NFKBIE: variants seen among roughly 807,000 people sequenced by gnomAD.
NFKBIE encodes NF-kappa-B inhibitor epsilon.
NFKBIE carries 11 observed loss-of-function variants against 31.6 expected under a neutral mutation model. That is an observed-to-expected ratio of 0.35 (90% CI 0.22 to 0.58). NFKBIE has a LOEUF of 0.58. Ranked by LOEUF, NFKBIE falls within the 20% of genes least tolerant of loss-of-function variation. NFKBIE has a pLI of 0.83. For missense variants in NFKBIE, 354 were observed against 465.7 expected (o/e 0.76, Z 2.21); for synonymous variants, 208 against 210.1 (o/e 0.99, Z 0.09).
chr6:44,265,229 G>A lies in NFKBIE; in HGVS notation c.118C>T (p.Pro40Ser). The A allele has an allele frequency of 6.4e-7, 1 of 1,552,410 alleles. No homozygotes were observed. The highest frequency in any genetic ancestry group is 8.7e-7 in the Non-Finnish European group (1 of 1,147,460). Residue 40 changes from proline to serine, a missense_variant, in exon 1 of 6, where the codon CCC becomes TCC. Coordinates refer to ENST00000619360, the MANE Select transcript of NFKBIE (RefSeq NM_004556.3). ...PESTSAPASG[P>S]SDGSPQPCTH... is the part of the protein sequence containing the mutation. The stretch of plus-strand genomic sequence containing the variant: ...CAGGGCTGGGGGCTGCCGTCCGAGG[G>A]CCCGGAGGCTGGAGCCGAGGTGGAC...
intron 5 of NFKBIE, 132 bp from the exon 6 acceptor site, chr6:44,259,416 T>C (rs1025089360): frequency 4.8e-5 from 33 of 683,576 alleles, no homozygotes; most frequent in African/African-American, 4.8e-4. Context: ...AGGGAACAAA[T>C]CTTCACACGA....
Position 44,260,854 on chromosome 6 carries a change from CATACAG to C in NFKBIE, c.692-321_692-316del, listed in dbSNP as rs369140070. Among the ~76,000 whole-genome samples the C allele has an allele frequency of 3.0e-3, 184 of 60,890 alleles. 6 individuals carry two copies. The highest frequency in any genetic ancestry group is 6.1e-3 in the African/African-American group (64 of 10,566). 39.9% of individuals were successfully genotyped at this position (60,890 alleles called of 152,430 possible). On this transcript the variant is annotated intron_variant, in intron 3 of 5. Coordinates refer to ENST00000619360, the MANE Select transcript of NFKBIE (RefSeq NM_004556.3). The surrounding 1 kb of genome is among the most constrained non-coding windows in gnomAD (Gnocchi z 5.5). Reference sequence around the variant, plus strand: ...ACACACACACACACACACACACACACATACAGACACACACACACACACACACACACA... The same window carrying C: ...ACACACACACACACACACACACACACACACACACACACACACACACACACA...
chr6:44,262,960 C>G (rs1781977158), intron 1 of NFKBIE, among the ~76,000 whole-genome samples: 1 of 152,344 alleles, frequency 6.6e-6, no homozygotes, highest in South Asian at 2.1e-4. Flanking sequence ...CCTCTTTGCC[C>G]TCAGGGCTCT....
chr6:44,261,978 C>T lies in NFKBIE; in HGVS notation c.469-130G>A. On this transcript the variant is annotated intron_variant, in intron 2 of 5. Transcript: ENST00000619360. The surrounding 1 kb of genome is among the most constrained non-coding windows in gnomAD (Gnocchi z 4.3). ...CAGCTTATAAAGGCCATAACCTGTT[C>T]TTCCAAGGAAATACTACCGAGCCCT... is the stretch of plus-strand genomic sequence containing the variant. 1.3e-6 allele frequency: 1 copy of T among 784,688 alleles called. No individual in the cohort carries two copies. The highest frequency in any genetic ancestry group is 2.7e-5 in the East Asian group (1 of 37,124). 48.6% of individuals were successfully genotyped at this position (784,688 alleles called of 1,614,324 possible). A position where few individuals can be genotyped will look rare whatever the true frequency, so the allele number is the denominator to read the frequency against.
At chr6:44,259,381 C>T in intron 5 of NFKBIE, 97 bp from the exon 6 acceptor site, 1 of 835,220 alleles carries the variant, frequency 1.2e-6, no homozygotes, top group Non-Finnish European at 2.1e-6. Context: ...ACTCCCTCCC[C>T]ACCAAATGAC....
At chr6:44,262,924 T>C (rs1781976039) in intron 1 of NFKBIE, among the ~76,000 whole-genome samples, 1 of 152,156 alleles carries the variant, frequency 6.6e-6, no homozygotes, top group Non-Finnish European at 1.5e-5. Context: ...ACAACAGCCT[T>C]CCTGTCCAGC....
chr6:44,260,505 C>T lies in NFKBIE; in HGVS notation c.726G>A (p.Lys242=), dbSNP rs769029284. ...LACLHIATLQ[K]NQPLMELLLR... Reference sequence around the variant, plus strand: ...GCAGCAATTCCATGAGTGGTTGGTTCTTCTGAAGGGTGGCAATGTGGAGAC... The same window carrying T: ...GCAGCAATTCCATGAGTGGTTGGTTTTTCTGAAGGGTGGCAATGTGGAGAC... Residue 242 remains lysine (K), a synonymous_variant, in exon 4 of 6, where the codon AAG becomes AAA. Transcript: ENST00000619360. This position sits in a 1 kb window ranked among gnomAD's most constrained non-coding sequence, Gnocchi z 5.5. 14 of 1,614,058 alleles carry T rather than the reference C, an allele frequency of 8.7e-6. No homozygotes were observed. Among genetic ancestry groups the T allele is most frequent in the Middle Eastern group, 3.3e-4 (2 of 6,062 alleles).
chr6:44,262,480 C>G (rs943897230), intron 2 of NFKBIE, 80 bp downstream of exon 2: 1 of 1,244,118 alleles, frequency 8.0e-7, no homozygotes, highest in African/African-American at 1.5e-5. Flanking sequence ...AAGTGAGCAG[C>G]CTTTGGACTG....
chr6:44,260,555 A>AGTGAGG lies in NFKBIE; in HGVS notation c.692-22_692-17dup. 6.2e-7 allele frequency: 1 copy of AGTGAGG among 1,613,054 alleles called. No individual in the cohort carries two copies. Among genetic ancestry groups the AGTGAGG allele is most frequent in the South Asian group, 1.1e-5 (1 of 91,060 alleles). On this transcript the variant is annotated splice_polypyrimidine_tract_variant and intron_variant, in intron 3 of 5. Transcript: ENST00000619360. The surrounding 1 kb of genome is among the most constrained non-coding windows in gnomAD (Gnocchi z 5.5). The stretch of plus-strand genomic sequence containing the variant: ...CAAGCCAGACCTGGGATGGGGTGAG[A>AGTGAGG]GTGAGGGTGAGGGCTGCTGATCTGC...
At chr6:44,262,367 A>G (rs544838221) in intron 2 of NFKBIE, among the ~76,000 whole-genome samples, 193 bp downstream of exon 2, 7 of 152,318 alleles carry the variant, frequency 4.6e-5, no homozygotes, top group Non-Finnish European at 8.8e-5. Flanking sequence ...AGCTGTTGAT[A>G]CAAGTCCCCC....
Position 44,261,781 on chromosome 6 carries a change from G to C in NFKBIE, c.536C>G (p.Ala179Gly). The C allele has an allele frequency of 6.2e-7, 1 of 1,613,576 alleles. No homozygotes were observed. Among genetic ancestry groups the C allele is most frequent in the East Asian group, 2.2e-5 (1 of 44,878 alleles). Residue 179 changes from alanine (A) to glycine (G), a missense_variant, in exon 3 of 6, where the codon GCC (alanine) becomes GGC (glycine). Around this residue, in one of 2 missense-constraint regions of NFKBIE, gnomAD observed 183 missense variants for 310.6 expected, o/e 0.59. Transcript: ENST00000619360. The surrounding 1 kb of genome is among the most constrained non-coding windows in gnomAD (Gnocchi z 4.3). ...ATGCCGGTCCTGTAGTGCCCGGCTGGCCCCCTTCAGCACCAGTGCCCGAAC... is the reference window on the plus strand; with the variant it reads ...ATGCCGGTCCTGTAGTGCCCGGCTGCCCCCCTTCAGCACCAGTGCCCGAAC... ...GAVRALVLKG[A>G]SRALQDRHGD... is the part of the protein sequence containing the mutation.
At chr6:44,264,857 T>C (rs1278583449) in intron 1 of NFKBIE, 125 bp downstream of exon 1, 1 of 1,069,250 alleles carries the variant, frequency 9.4e-7, no homozygotes, top group Non-Finnish European at 1.4e-6. Flanking sequence ...GAGTTAAGTC[T>C]GGAGTTTGGA....
In NFKBIE at chr6:44,260,258, G is replaced by A; in HGVS notation, c.805C>T (p.Leu269=). 6.2e-7 allele frequency: 1 copy of A among 1,612,278 alleles called. No homozygotes were observed. Among genetic ancestry groups the A allele is most frequent in the Middle Eastern group, 1.7e-4 (1 of 6,050 alleles). The stretch of plus-strand genomic sequence containing the variant: ...TCTTGGGTTTCCACAGCCAGGTGCA[G>A]CGCTGTCTTACCACTGGTGCCCTCC... ...VQEGTSGKTA[L]HLAVETQERG... Residue 269 remains leucine, a synonymous_variant, in exon 5 of 6, where the codon CTG becomes TTG. Transcript: ENST00000619360. The surrounding 1 kb of genome is among the most constrained non-coding windows in gnomAD (Gnocchi z 5.5).
chr6:44,260,567 G>C lies in NFKBIE; in HGVS notation c.692-28C>G. The C allele has an allele frequency of 6.2e-7, 1 of 1,606,020 alleles. No homozygotes were observed. Among genetic ancestry groups the C allele is most frequent in the Non-Finnish European group, 8.5e-7 (1 of 1,172,896 alleles). On this transcript the variant is annotated intron_variant, in intron 3 of 5. Coordinates refer to ENST00000619360, the MANE Select transcript of NFKBIE (RefSeq NM_004556.3). The surrounding 1 kb of genome is among the most constrained non-coding windows in gnomAD (Gnocchi z 5.5). ...GGGATGGGGTGAGAGTGAGGGTGAG[G>C]GCTGCTGATCTGCATCCACCAACTC... is the stretch of plus-strand genomic sequence containing the variant.
In NFKBIE at chr6:44,260,864, C is replaced by CACACACACATACAG. The variant is rs1554142190; in HGVS notation, c.692-326_692-325insCTGTATGTGTGTGT. 0.015 allele frequency among the ~76,000 whole-genome samples: 1,583 copies of CACACACACATACAG among 106,854 alleles called. 13 individuals are homozygous for CACACACACATACAG. Among genetic ancestry groups the CACACACACATACAG allele is most frequent in the African/African-American group, 0.016 (256 of 16,386 alleles). 70.1% of individuals were successfully genotyped at this position (106,854 alleles called of 152,430 possible). ...ACACACACACACACACATACAGACA[C>CACACACACATACAG]ACACACACACACACACACACACACA... On this transcript the variant is annotated intron_variant, in intron 3 of 5. Coordinates refer to ENST00000619360, the MANE Select transcript of NFKBIE (RefSeq NM_004556.3). This position sits in a 1 kb window ranked among gnomAD's most constrained non-coding sequence, Gnocchi z 5.5.
In NFKBIE at chr6:44,263,240, C is replaced by G. The variant is rs957870500; in HGVS notation, c.366-578G>C. On this transcript the variant is annotated intron_variant, in intron 1 of 5. Transcript: ENST00000619360. This position sits in a 1 kb window ranked among gnomAD's most constrained non-coding sequence, Gnocchi z 5.0. ...ACCTCTCAGATAGCACAGACCAGGT[C>G]GGGCCTAACAGAGGCCCTCCATTCC... Among the ~76,000 whole-genome samples the G allele has an allele frequency of 6.6e-6, 1 of 152,206 alleles. No individual in the cohort carries two copies. Among genetic ancestry groups the G allele is most frequent in the Non-Finnish European group, 1.5e-5 (1 of 68,042 alleles).
rs375924877 is a variant in NFKBIE, at chr6:44,260,467, G to A, written c.764C>T (p.Ala255Val). The stretch of plus-strand genomic sequence containing the variant: ...CTGTCTCACCTGCACATCAATGTCA[G>A]CTCCATTCCGAAGCAGCAATTCCAT... The part of the protein sequence containing the change: ...PLMELLLRNG[A>V]DIDVQEGTSG... The change falls in exon 4 of 6, where the codon GCT becomes GTT. Residue 255 changes from alanine (A) to valine (V), a missense_variant. Ala to Val is a moderately conservative substitution (Grantham distance 64). Around this residue, in one of 2 missense-constraint regions of NFKBIE, gnomAD observed 183 missense variants for 310.6 expected, o/e 0.59. Coordinates refer to ENST00000619360, the MANE Select transcript of NFKBIE (RefSeq NM_004556.3). This position sits in a 1 kb window ranked among gnomAD's most constrained non-coding sequence, Gnocchi z 5.5. The A allele has an allele frequency of 6.2e-7, 1 of 1,614,088 alleles. No homozygotes were observed. The highest frequency in any genetic ancestry group is 1.3e-5 in the African/African-American group (1 of 74,918).
rs1409112 is a variant in NFKBIE at position 44,263,378 on chromosome 6, T to C, written c.366-716A>G. Among the ~76,000 whole-genome samples, 11,187 of 150,606 alleles carry C rather than the reference T, an allele frequency of 0.074. 569 individuals are homozygous for C. The highest frequency in any genetic ancestry group is 0.16 in the Middle Eastern group (46 of 290). On this transcript the variant is annotated intron_variant, in intron 1 of 5. Coordinates refer to ENST00000619360, the MANE Select transcript of NFKBIE (RefSeq NM_004556.3). The surrounding 1 kb of genome is among the most constrained non-coding windows in gnomAD (Gnocchi z 5.0). ...CAGTTGGGAGGGGAAGTTCCAGTCT[T>C]GGGGTTTCCCCACGTCAGGTGGGGA... is the stretch of plus-strand genomic sequence containing the variant.
chr6:44,259,136 G>A lies in NFKBIE; in HGVS notation c.*83C>T. Reference sequence around the variant, plus strand: ...CCCTAGGGCACCAGAAGAGCACATAGCCTGGGCCCAAACTGCAGCAGTTAT... The same window carrying A: ...CCCTAGGGCACCAGAAGAGCACATAACCTGGGCCCAAACTGCAGCAGTTAT... On this transcript the variant is annotated 3_prime_UTR_variant, in exon 6 of 6. Transcript: ENST00000619360. The A allele has an allele frequency of 2.1e-6, 3 of 1,454,836 alleles. No homozygotes were observed. Among genetic ancestry groups the A allele is most frequent in the East Asian group, 2.3e-5 (1 of 43,052 alleles). 90.1% of individuals were successfully genotyped at this position (1,454,836 alleles called of 1,614,324 possible).
Sources: gnomAD v4.1 joint callset for allele counts (sites outside exome capture counted in the v4.1 genomes callset) on GRCh38, gnomAD v4.1.1 for gene constraint, gnomAD v4.1.1 regional missense constraint, Gnocchi (gnomAD v3.1) non-coding constraint, MANE v1.5 for transcripts, NCBI Gene and HGNC (gene_info 2026-07-23, HGNC 2026-07-21) for gene names.